ZFYVE9: variants seen among roughly 807,000 people sequenced by gnomAD.
The protein encoded by ZFYVE9 is zinc finger FYVE domain-containing protein 9.
In ZFYVE9, 43 loss-of-function variants were observed where a neutral mutation model predicts 126.7. The observed-to-expected ratio is 0.34, with a 90% CI of 0.27 to 0.44. ZFYVE9 has a LOEUF of 0.44. ZFYVE9 is among the 20% of genes least tolerant of loss of function. The pLI is 1.00. For synonymous variants in ZFYVE9, 521 were observed against 597.4 expected (o/e 0.87, Z 1.87); for missense variants, 1,476 against 1,697.0 (o/e 0.87, Z 2.29).
chr1:52,214,375 CA>C (rs1333662133), intron 1 of ZFYVE9, among the ~76,000 whole-genome samples: 1 of 152,042 alleles, frequency 6.6e-6, no homozygotes, highest in Admixed American at 6.6e-5. Context: ...TGCAGTGAGC[CA>C]AGATTGCACC....
At chr1:52,225,560 G>A (rs781509314) in intron 2 of ZFYVE9, among the ~76,000 whole-genome samples, 4 of 152,112 alleles carry the variant, frequency 2.6e-5, no homozygotes, top group Non-Finnish European at 5.9e-5. Context: ...TGGATGGGTC[G>A]GACTGCACAA....
In ZFYVE9 at chr1:52,239,108, A is replaced by T; in HGVS notation, c.1691A>T (p.Lys564Met). ...VPSVLGQSSP[K>M]VVASLPSISV... Reference sequence around the variant, plus strand: ...TCAGTGCTTGGGCAATCTTCCCCCAAGGTAGTAGCAAGCCTGCCATCTATC... The same window carrying T: ...TCAGTGCTTGGGCAATCTTCCCCCATGGTAGTAGCAAGCCTGCCATCTATC... Residue 564 changes from lysine to methionine, a missense_variant, in exon 4 of 19, where the codon AAG becomes ATG. Around this residue, in one of 2 missense-constraint regions of ZFYVE9, gnomAD observed 807 missense variants for 794.6 expected, o/e 1.02. Transcript: ENST00000287727. The T allele has an allele frequency of 6.2e-7, 1 of 1,614,122 alleles. No homozygotes were observed. The highest frequency in any genetic ancestry group is 1.1e-5 in the South Asian group (1 of 91,078).
Position 52,239,296 on chromosome 1 carries a change from T to C in ZFYVE9, c.1879T>C (p.Ser627Pro). The change falls in exon 4 of 19, where the codon TCA (serine) becomes CCA (proline). Residue 627 changes from serine (S) to proline (P), a missense_variant. Transcript: ENST00000287727. ...ILGKAKLGEN[S>P]ATNVCSPSLG... ...TGGGAAAGCAAAATTAGGGGAAAAC[T>C]CAGCAACCAATGTATGCAGTCCATC... The C allele has an allele frequency of 6.2e-7, 1 of 1,614,176 alleles. No homozygotes were observed. Among genetic ancestry groups the C allele is most frequent in the Non-Finnish European group, 8.5e-7 (1 of 1,180,022 alleles).
Position 52,142,561 on chromosome 1 carries a change from C to G in ZFYVE9, c.-143+158C>G, listed in dbSNP as rs1358550028. 6.6e-6 allele frequency among the ~76,000 whole-genome samples: 1 copy of G among 152,128 alleles called. No homozygotes were observed. Among genetic ancestry groups the G allele is most frequent in the Non-Finnish European group, 1.5e-5 (1 of 68,004 alleles). ...GCCTCAGCCCTTTCTCCCCGCGTCC[C>G]CCGGGAGGCTGAAGGCCGTGGGGGG... On this transcript the variant is annotated intron_variant, in intron 1 of 18. Coordinates refer to ENST00000287727, the MANE Select transcript of ZFYVE9 (RefSeq NM_004799.4). The surrounding 1 kb of genome is among the most constrained non-coding windows in gnomAD (Gnocchi z 4.5).
At chr1:52,299,959 G>A (rs923342448) in intron 12 of ZFYVE9, among the ~76,000 whole-genome samples, 2 of 152,226 alleles carry the variant, frequency 1.3e-5, no homozygotes, top group African/African-American at 4.8e-5. Context: ...ACCGCGGGAC[G>A]AGGCTGCAGT....
intron 1 of ZFYVE9, among the ~76,000 whole-genome samples, chr1:52,161,302 T>A (rs909920119): frequency 1.3e-4 from 20 of 152,184 alleles, no homozygotes; most frequent in African/African-American, 4.8e-4. Context: ...ATTTTATTTT[T>A]TTTTGGAGAC....
chr1:52,211,628 C>T (rs560492820), intron 1 of ZFYVE9, among the ~76,000 whole-genome samples: 1 of 152,128 alleles, frequency 6.6e-6, no homozygotes, highest in South Asian at 2.1e-4. Flanking sequence ...ACACTTGAGC[C>T]CAGGAGTTTG....
intron 1 of ZFYVE9, among the ~76,000 whole-genome samples, chr1:52,193,104 C>T (rs1644830260): frequency 6.6e-6 from 1 of 152,126 alleles, no homozygotes; most frequent in Admixed American, 6.6e-5. Flanking sequence ...AGAGCCTGCA[C>T]TCTTTTTTGT....
intron 1 of ZFYVE9, among the ~76,000 whole-genome samples, chr1:52,158,524 C>T (rs181029470): frequency 3.9e-5 from 6 of 152,158 alleles, no homozygotes; most frequent in East Asian, 1.9e-4. Flanking sequence ...GCCATCTATC[C>T]GTAACCTGTC....
At chr1:52,175,351 G>T (rs947526409) in intron 1 of ZFYVE9, among the ~76,000 whole-genome samples, 3 of 151,460 alleles carry the variant, frequency 2.0e-5, no homozygotes, top group African/African-American at 7.3e-5. Flanking sequence ...CTTCTGGCTC[G>T]TAGAGTTTCT....
At chr1:52,152,819 A>G (rs1471791467) in intron 1 of ZFYVE9, among the ~76,000 whole-genome samples, 2 of 152,242 alleles carry the variant, frequency 1.3e-5, no homozygotes, top group African/African-American at 2.4e-5. Context: ...AGCTAAGTAC[A>G]TAGTGTATTG....
intron 14 of ZFYVE9, 83 bp from the exon 15 acceptor site, chr1:52,334,605 T>G (rs961652642): frequency 3.1e-5 from 45 of 1,433,824 alleles, no homozygotes; most frequent in Non-Finnish European, 4.3e-5. Flanking sequence ...GTCGGAATTC[T>G]CAACTTCTGA....
intron 1 of ZFYVE9, among the ~76,000 whole-genome samples, chr1:52,198,124 G>GTTTTTT (rs34521113): frequency 7.8e-6 from 1 of 128,176 alleles, no homozygotes. Flanking sequence ...TTTTTTGTTT[G>GTTTTTT]TTTTTTTTTT....
intron 3 of ZFYVE9, among the ~76,000 whole-genome samples, chr1:52,235,407 A>G (rs914186373): frequency 6.6e-6 from 1 of 152,194 alleles, no homozygotes; most frequent in Admixed American, 6.5e-5. Flanking sequence ...CTGTTTGAAC[A>G]TTGCTAAATA....
intron 1 of ZFYVE9, among the ~76,000 whole-genome samples, chr1:52,153,312 A>G (rs552140230): frequency 6.6e-5 from 10 of 152,324 alleles, no homozygotes; most frequent in African/African-American, 2.4e-4. Flanking sequence ...GAGATTAGTG[A>G]GACAGGCCTC....
At chr1:52,259,615 C>A (rs1206689271) in intron 4 of ZFYVE9, among the ~76,000 whole-genome samples, 1 of 148,374 alleles carries the variant, frequency 6.7e-6, no homozygotes, top group East Asian at 2.0e-4. Context: ...TGGCGAAACC[C>A]TGTCTCTACT....
chr1:52,146,743 G>A (rs1502688), intron 1 of ZFYVE9, among the ~76,000 whole-genome samples: 112,306 of 152,104 alleles, frequency 0.74, 45,844 homozygotes, highest in Non-Finnish European at 0.9. Flanking sequence ...AGTAAAATCA[G>A]CATAATCTAA....
At chr1:52,231,478 A>G (rs1645220694) in intron 2 of ZFYVE9, among the ~76,000 whole-genome samples, 1 of 151,906 alleles carries the variant, frequency 6.6e-6, no homozygotes, top group Non-Finnish European at 1.5e-5. Context: ...AGATTGAGCC[A>G]CTGCACTCCA....
At chr1:52,162,320 TA>T in intron 1 of ZFYVE9, 1 of 400,444 alleles carries the variant, frequency 2.5e-6, no homozygotes, top group South Asian at 2.4e-5. Flanking sequence ...TCTATCATAG[TA>T]AGAATCTCGA....
Sources: allele counts gnomAD v4.1 joint callset (sites outside exome capture counted in the v4.1 genomes callset), GRCh38; gene constraint gnomAD v4.1.1; regional missense constraint gnomAD v4.1.1; non-coding constraint Gnocchi (gnomAD v3.1); transcripts MANE v1.5; gene names NCBI Gene and HGNC (gene_info 2026-07-23, HGNC 2026-07-21).